CADM1: variants seen among roughly 807,000 people sequenced by gnomAD.
CADM1 encodes TSLC-1.
Under a neutral mutation model 53.1 loss-of-function variants are expected in CADM1, and 15 were observed. The observed-to-expected ratio is 0.28, with a 90% CI of 0.19 to 0.44. CADM1 has a LOEUF of 0.44. Ranked by LOEUF, CADM1 falls within the 20% of genes least tolerant of loss-of-function variation. CADM1 has a pLI of 1.00. For synonymous variants in CADM1, 281 were observed against 243.0 expected, an observed-to-expected ratio of 1.16 and a Z score of -1.45; for missense variants, 434 against 611.3, an observed-to-expected ratio of 0.71 and a Z score of 3.06.
At chr11:115,270,385 T>C (rs971518231) in intron 1 of CADM1, among the ~76,000 whole-genome samples, 1 of 152,208 alleles carries the variant, frequency 6.6e-6, no homozygotes, top group Admixed American at 6.5e-5. Context: ...TCTGCTACTG[T>C]TGGAGTTATA....
chr11:115,383,214 C>T (rs896052062), intron 1 of CADM1, among the ~76,000 whole-genome samples: 1 of 152,178 alleles, frequency 6.6e-6, no homozygotes, highest in African/African-American at 2.4e-5. Context: ...AGGTAGATAG[C>T]TACAGGCAAC....
chr11:115,423,697 G>C (rs1284468077), intron 1 of CADM1, among the ~76,000 whole-genome samples: 6 of 152,144 alleles, frequency 3.9e-5, no homozygotes, highest in African/African-American at 1.4e-4. Flanking sequence ...AACTCTTGAA[G>C]TTTTTACTCA....
intron 7 of CADM1, among the ~76,000 whole-genome samples, chr11:115,210,756 G>A (rs1940920411): frequency 6.6e-6 from 1 of 152,096 alleles, no homozygotes; most frequent in Admixed American, 6.6e-5. Flanking sequence ...ATTATATACT[G>A]CACCTTTATT....
At chr11:115,456,884 A>G (rs1948694143) in intron 1 of CADM1, among the ~76,000 whole-genome samples, 1 of 152,122 alleles carries the variant, frequency 6.6e-6, no homozygotes, top group African/African-American at 2.4e-5. Context: ...ATAACCAAGC[A>G]CTTTCTAGAT....
chr11:115,226,683 A>C (rs561505007), intron 5 of CADM1, among the ~76,000 whole-genome samples: 81 of 152,272 alleles, frequency 5.3e-4, no homozygotes, highest in African/African-American at 1.9e-3. Context: ...TGTGGGGGGC[A>C]CTGGAGTTGA....
chr11:115,191,020 T>G (rs1770329274), intron 9 of CADM1, 79 bp from the exon 10 acceptor site: 1 of 1,231,200 alleles, frequency 8.1e-7, no homozygotes, highest in African/African-American at 1.5e-5. Context: ...GAGGATGAAT[T>G]TCTTTAAAAA....
chr11:115,294,551 T>G (rs1943996933), intron 1 of CADM1, among the ~76,000 whole-genome samples: 1 of 152,202 alleles, frequency 6.6e-6, no homozygotes, highest in African/African-American at 2.4e-5. Context: ...TTTTTTCATT[T>G]TTTTGTACCA....
chr11:115,199,409 T>C (rs529843836), intron 8 of CADM1, among the ~76,000 whole-genome samples: 1 of 152,170 alleles, frequency 6.6e-6, no homozygotes, highest in Non-Finnish European at 1.5e-5. Context: ...AGGAAATGTA[T>C]TTTGTCTTTT....
intron 9 of CADM1, among the ~76,000 whole-genome samples, chr11:115,193,644 G>A (rs1448920421): frequency 2.0e-5 from 3 of 151,960 alleles, no homozygotes; most frequent in Non-Finnish European, 4.4e-5. Context: ...AAATTCTAGA[G>A]ATATTAAATC....
chr11:115,460,176 G>T (rs1948764814), intron 1 of CADM1, among the ~76,000 whole-genome samples: 1 of 151,548 alleles, frequency 6.6e-6, no homozygotes, highest in African/African-American at 2.4e-5. Flanking sequence ...TCTTACTTCT[G>T]GGCAGCAATT....
At chr11:115,492,477 T>C (rs1949517794) in intron 1 of CADM1, among the ~76,000 whole-genome samples, 1 of 152,024 alleles carries the variant, frequency 6.6e-6, no homozygotes, top group Non-Finnish European at 1.5e-5. Flanking sequence ...TAAACAGAAA[T>C]AAATGATCCT....
At chr11:115,357,878 T>C (rs1359019301) in intron 1 of CADM1, among the ~76,000 whole-genome samples, 1 of 152,138 alleles carries the variant, frequency 6.6e-6, no homozygotes, top group Non-Finnish European at 1.5e-5. Context: ...AGAACACAGA[T>C]AAAACAGAAA....
At chr11:115,281,003 A>G (rs571732800) in intron 1 of CADM1, among the ~76,000 whole-genome samples, 156 of 152,372 alleles carry the variant, frequency 1.0e-3, no homozygotes, top group Non-Finnish European at 1.8e-3. Flanking sequence ...CTCACTAATG[A>G]CAACTGCGAG....
chr11:115,433,777 G>A (rs1342606764), intron 1 of CADM1, among the ~76,000 whole-genome samples: 1 of 152,206 alleles, frequency 6.6e-6, no homozygotes, highest in African/African-American at 2.4e-5. Context: ...TTGCGAAAGA[G>A]CATTACACTG....
chr11:115,382,968 A>G (rs1283727026), intron 1 of CADM1, among the ~76,000 whole-genome samples: 1 of 152,236 alleles, frequency 6.6e-6, no homozygotes, highest in Non-Finnish European at 1.5e-5. Context: ...TGTATTCCCA[A>G]GGAAAATCAC....
chr11:115,351,348 C>T (rs562813997), intron 1 of CADM1, among the ~76,000 whole-genome samples: 9 of 152,216 alleles, frequency 5.9e-5, no homozygotes, highest in South Asian at 2.1e-4. Flanking sequence ...GAAAAGGAAA[C>T]GACAAATCTG....
chr11:115,463,233 T>C (rs1948832193), intron 1 of CADM1, among the ~76,000 whole-genome samples: 1 of 152,178 alleles, frequency 6.6e-6, no homozygotes, highest in African/African-American at 2.4e-5. Flanking sequence ...ATCAAACTTA[T>C]TTTTTCAGCA....
At chr11:115,379,752 G>C (rs58047839) in intron 1 of CADM1, among the ~76,000 whole-genome samples, 274 of 152,300 alleles carry the variant, frequency 1.8e-3, no homozygotes, top group African/African-American at 6.1e-3. Flanking sequence ...TAGTAAAAAT[G>C]AGATTATGAC....
chr11:115,312,411 G>A (rs1404524206), intron 1 of CADM1, among the ~76,000 whole-genome samples: 2 of 152,050 alleles, frequency 1.3e-5, no homozygotes, highest in Non-Finnish European at 2.9e-5. Context: ...GATTACCGGA[G>A]GGTAGGATGC....
Sources: allele counts gnomAD v4.1 joint callset (sites outside exome capture counted in the v4.1 genomes callset), GRCh38; gene constraint gnomAD v4.1.1; transcripts MANE v1.5; gene names NCBI Gene and HGNC (gene_info 2026-07-23, HGNC 2026-07-21).